Variants in CPA6 observed in about 807,000 individuals in gnomAD.
CPA6 encodes the protein carboxypeptidase B.
In CPA6, 58 loss-of-function variants were observed where a neutral mutation model predicts 63.3. That is an observed-to-expected ratio of 0.92 (90% confidence interval 0.74 to 1.14). The LOEUF is 1.14. Ranked by LOEUF, CPA6 falls within the 50% of genes most tolerant of loss-of-function variation. The pLI, the probability that CPA6 is intolerant of heterozygous loss-of-function variation, is 0.00. For missense variants in CPA6, 565 were observed against 526.6 expected (o/e 1.07, Z -0.71); for synonymous variants, 185 against 179.0 (o/e 1.03, Z -0.27).
At chr8:67,538,129 T>C (rs780269993) in intron 2 of CPA6, among the ~76,000 whole-genome samples, 18 of 152,234 alleles carry the variant, frequency 1.2e-4, no homozygotes, top group Non-Finnish European at 1.5e-4. Flanking sequence ...TTAGAATAAA[T>C]GTGACGTGGT....
At chr8:67,669,260 G>A (rs1214269077) in intron 1 of CPA6, among the ~76,000 whole-genome samples, 1 of 152,114 alleles carries the variant, frequency 6.6e-6, no homozygotes, top group African/African-American at 2.4e-5. Flanking sequence ...ACCAGAGACT[G>A]TAACTAGTCC....
chr8:67,621,792 G>A (rs1317727185), intron 2 of CPA6, among the ~76,000 whole-genome samples: 1 of 152,056 alleles, frequency 6.6e-6, no homozygotes, highest in African/African-American at 2.4e-5. Flanking sequence ...TCCATTCTCT[G>A]AGTTGTCCCC....
Position 67,546,464 on chromosome 8 carries a change from C to G in CPA6, c.193-28417G>C, listed in dbSNP as rs139623832. Among the ~76,000 whole-genome samples, 1,211 of 152,302 alleles carry G rather than the reference C, an allele frequency of 8.0e-3. 20 individuals carry two copies. The highest frequency in any genetic ancestry group is 0.028 in the African/African-American group (1,151 of 41,552). On this transcript the variant is annotated intron_variant, in intron 2 of 10. Transcript: ENST00000297770. The stretch of plus-strand genomic sequence containing the variant: ...TATAGCCTTCCTTAATTTTTCCAGA[C>G]AGTTATTTGCTGTTTCTTCCTTTTC...
At chr8:67,631,690 C>T (rs745593420) in intron 1 of CPA6, among the ~76,000 whole-genome samples, 2 of 152,202 alleles carry the variant, frequency 1.3e-5, no homozygotes, top group African/African-American at 2.4e-5. Flanking sequence ...AAACTTTGTT[C>T]TTTTATTGTT....
chr8:67,584,169 A>G (rs1166938501), intron 2 of CPA6, among the ~76,000 whole-genome samples: 1 of 152,144 alleles, frequency 6.6e-6, no homozygotes, highest in African/African-American at 2.4e-5. Context: ...AAACAAAAAG[A>G]AAAAAACAAA....
At chr8:67,672,130 T>A (rs1816361921) in intron 1 of CPA6, among the ~76,000 whole-genome samples, 1 of 152,150 alleles carries the variant, frequency 6.6e-6, no homozygotes. Context: ...GCACCCGGCC[T>A]TCTCATGCAT....
intron 1 of CPA6, among the ~76,000 whole-genome samples, chr8:67,645,315 C>T (rs570584988): frequency 4.5e-4 from 68 of 152,242 alleles, no homozygotes; most frequent in African/African-American, 1.6e-3. Flanking sequence ...TTTCTGTCAC[C>T]TATTAACAAC....
At chr8:67,663,217 G>A (rs187755145) in intron 1 of CPA6, among the ~76,000 whole-genome samples, 1 of 152,262 alleles carries the variant, frequency 6.6e-6, no homozygotes, top group Admixed American at 6.5e-5. Context: ...AATAACAACT[G>A]AAAACCAGTA....
rs145438714 is a variant in CPA6, at chr8:67,587,086, A to G, written c.192+37090T>C. Among the ~76,000 whole-genome samples, 744 of 152,354 alleles carry G rather than the reference A, an allele frequency of 4.9e-3. 1 individual carries two copies. The highest frequency in any genetic ancestry group is 8.3e-3 in the Admixed American group (127 of 15,294). On this transcript the variant is annotated intron_variant, in intron 2 of 10. Coordinates refer to ENST00000297770, the MANE Select transcript of CPA6 (RefSeq NM_020361.5). ...GAGGATAATGGGTATTATGTTCGCT[A>G]GAGCGAAATGTGAAGTCCTTGAAAG...
chr8:67,544,887 C>G (rs1563993836), intron 2 of CPA6, among the ~76,000 whole-genome samples: 1 of 152,116 alleles, frequency 6.6e-6, no homozygotes, highest in Non-Finnish European at 1.5e-5. Context: ...AGTCTTCTGC[C>G]CTTTTTCATC....
At chr8:67,557,842 C>T (rs12056769) in intron 2 of CPA6, among the ~76,000 whole-genome samples, 93,880 of 152,086 alleles carry the variant, frequency 0.62, 29,741 homozygotes, top group Non-Finnish European at 0.7. Context: ...GTCAAAGTTA[C>T]TGAGCCTTGG....
chr8:67,616,635 A>G (rs373288635), intron 2 of CPA6, among the ~76,000 whole-genome samples: 1 of 151,720 alleles, frequency 6.6e-6, no homozygotes, highest in Non-Finnish European at 1.5e-5. Flanking sequence ...CCATTCTCTC[A>G]CTAAGCATGA....
chr8:67,481,673 G>A (rs190067183), intron 8 of CPA6, among the ~76,000 whole-genome samples: 10 of 152,162 alleles, frequency 6.6e-5, no homozygotes, highest in African/African-American at 7.2e-5. Context: ...GCATTTCTAC[G>A]TCATTTATGC....
intron 1 of CPA6, among the ~76,000 whole-genome samples, chr8:67,681,601 C>T (rs1018729739): frequency 6.6e-6 from 1 of 152,064 alleles, no homozygotes; most frequent in Non-Finnish European, 1.5e-5. Context: ...GCAAGGTATG[C>T]ATGTAAGCTT....
intron 1 of CPA6, among the ~76,000 whole-genome samples, chr8:67,691,430 A>C (rs950708042): frequency 2.6e-5 from 4 of 152,158 alleles, no homozygotes; most frequent in African/African-American, 9.7e-5. Flanking sequence ...CTGTCCCCCA[A>C]AACTGCCCTT....
At chr8:67,457,510 C>G (rs1343128253) in intron 8 of CPA6, among the ~76,000 whole-genome samples, 1 of 152,104 alleles carries the variant, frequency 6.6e-6, no homozygotes, top group African/African-American at 2.4e-5. Context: ...TCACTGGGTT[C>G]CATCATTCTA....
intron 6 of CPA6, among the ~76,000 whole-genome samples, chr8:67,495,295 ACTTT>A (rs1194148137): frequency 6.6e-6 from 1 of 152,012 alleles, no homozygotes; most frequent in Non-Finnish European, 1.5e-5. Flanking sequence ...ATTCCTAAAG[ACTTT>A]CTTTATCACT....
chr8:67,557,669 G>GC (rs1028265271), intron 2 of CPA6, among the ~76,000 whole-genome samples: 27 of 152,234 alleles, frequency 1.8e-4, no homozygotes, highest in South Asian at 1.0e-3. Flanking sequence ...ATCAGCCAGT[G>GC]CCCCCCTCAG....
intron 2 of CPA6, among the ~76,000 whole-genome samples, chr8:67,622,308 G>A (rs149561472): frequency 2.6e-5 from 4 of 152,356 alleles, no homozygotes; most frequent in African/African-American, 4.8e-5. Flanking sequence ...CAATTAATAA[G>A]TTCCTGGTGG....
Sources: gnomAD v4.1 joint callset for allele counts (sites outside exome capture counted in the v4.1 genomes callset) on GRCh38, gnomAD v4.1.1 for gene constraint, MANE v1.5 for transcripts, NCBI Gene and HGNC (gene_info 2026-07-23, HGNC 2026-07-21) for gene names.